Variants in NRG1 observed in about 807,000 individuals in gnomAD.
NRG1 encodes pro-neuregulin-1, membrane-bound isoform.
In NRG1, 18 loss-of-function variants were observed where a neutral mutation model predicts 63.8. The ratio of observed to expected loss-of-function variants is 0.28; its 90% CI spans 0.19 to 0.42. NRG1 has a LOEUF of 0.42. NRG1 is among the 10% of genes least tolerant of loss of function. NRG1 has a pLI of 1.00. For missense variants in NRG1, 762 were observed against 814.7 expected (o/e 0.94, Z 0.79); for synonymous variants, 302 against 301.3 (o/e 1.00, Z -0.02).
At chr8:32,716,802 ATG>A (rs934111765) in intron 5 of NRG1, among the ~76,000 whole-genome samples, 5 of 124,520 alleles carry the variant, frequency 4.0e-5, no homozygotes, top group Non-Finnish European at 8.6e-5. Context: ...GCGTGTGTGC[ATG>A]TGTGTGTGTG....
At chr8:32,260,505 C>T (rs1215805428) in intron 1 of NRG1, among the ~76,000 whole-genome samples, 1 of 152,176 alleles carries the variant, frequency 6.6e-6, no homozygotes, top group Non-Finnish European at 1.5e-5. Context: ...CTCCCTTCAT[C>T]CTTTCCCTAT....
At chr8:31,872,188 T>A (rs1032523391) in intron 1 of NRG1, among the ~76,000 whole-genome samples, 7 of 152,234 alleles carry the variant, frequency 4.6e-5, no homozygotes, top group Non-Finnish European at 1.0e-4. Context: ...TTTAATTACA[T>A]GTCTGTTGTT....
chr8:32,397,882 A>T (rs546209684), intron 1 of NRG1, among the ~76,000 whole-genome samples: 7 of 152,320 alleles, frequency 4.6e-5, no homozygotes, highest in Middle Eastern at 3.4e-3. Context: ...TTAAAGTATC[A>T]TCCATCTGAT....
chr8:31,720,871 C>T (rs1199875201), intron 1 of NRG1, among the ~76,000 whole-genome samples: 1 of 152,238 alleles, frequency 6.6e-6, no homozygotes, highest in East Asian at 1.9e-4. Flanking sequence ...CAATATTTTG[C>T]ACAGGAGTAA....
chr8:31,800,564 C>A (rs1821665848), intron 1 of NRG1, among the ~76,000 whole-genome samples: 1 of 152,136 alleles, frequency 6.6e-6, no homozygotes, highest in Non-Finnish European at 1.5e-5. Flanking sequence ...TCTTGGAATG[C>A]ATATCTCTTC....
At chr8:32,605,590 T>A (rs752516072) in exon 3 of NRG1, 1 of 1,613,448 alleles carries the variant, frequency 6.2e-7, no homozygotes, top group Non-Finnish European at 8.5e-7. Flanking sequence ...TAACAAAGCA[T>A]CACTGGCTGA....
chr8:32,209,113 T>C (rs776254590), intron 1 of NRG1, among the ~76,000 whole-genome samples: 38 of 152,262 alleles, frequency 2.5e-4, no homozygotes, highest in Non-Finnish European at 4.9e-4. Context: ...TCATCTGAAA[T>C]ATAAGGATAA....
chr8:31,861,676 A>C (rs900849733), intron 1 of NRG1, among the ~76,000 whole-genome samples: 4 of 152,180 alleles, frequency 2.6e-5, no homozygotes, highest in Non-Finnish European at 5.9e-5. Context: ...GAAAAACATA[A>C]AATGAGGACT....
chr8:31,936,581 C>A (rs1336340882), intron 1 of NRG1, among the ~76,000 whole-genome samples: 2 of 152,150 alleles, frequency 1.3e-5, no homozygotes, highest in Non-Finnish European at 2.9e-5. Flanking sequence ...TACATAATTT[C>A]CACCTCAGAA....
intron 1 of NRG1, among the ~76,000 whole-genome samples, chr8:31,919,967 C>A (rs1009939518): frequency 6.6e-6 from 1 of 152,056 alleles, no homozygotes; most frequent in African/African-American, 2.4e-5. Context: ...CTAAATGCAT[C>A]AACCCACAGA....
At chr8:32,646,117 T>A (rs1488589415) in intron 5 of NRG1, among the ~76,000 whole-genome samples, 1 of 152,194 alleles carries the variant, frequency 6.6e-6, no homozygotes, top group Non-Finnish European at 1.5e-5. Flanking sequence ...CATAACTCTG[T>A]TACTTACTGG....
At chr8:31,898,320 TA>T (rs1831769198) in intron 1 of NRG1, among the ~76,000 whole-genome samples, 1 of 152,194 alleles carries the variant, frequency 6.6e-6, no homozygotes. Flanking sequence ...TATATTTTAA[TA>T]ACCACTATGT....
At chr8:32,571,103 G>A (rs1320451999) in intron 1 of NRG1, among the ~76,000 whole-genome samples, 3 of 152,144 alleles carry the variant, frequency 2.0e-5, no homozygotes, top group Non-Finnish European at 4.4e-5. Flanking sequence ...GAAGTTAGGA[G>A]TGAACTTGTT....
At chr8:32,420,202 G>A (rs892965166) in intron 1 of NRG1, among the ~76,000 whole-genome samples, 8 of 152,298 alleles carry the variant, frequency 5.3e-5, no homozygotes, top group South Asian at 2.1e-4. Flanking sequence ...TACAGCTCCC[G>A]GTGGGGTGGC....
At chr8:31,742,348 C>T (rs1365805736) in intron 1 of NRG1, among the ~76,000 whole-genome samples, 3 of 148,716 alleles carry the variant, frequency 2.0e-5, no homozygotes, top group East Asian at 2.0e-4. Flanking sequence ...TATTATTGTT[C>T]TTCAAATTGT....
At chr8:31,838,680 CTTTT>C (rs1403189989) in intron 1 of NRG1, among the ~76,000 whole-genome samples, 2 of 151,998 alleles carry the variant, frequency 1.3e-5, no homozygotes, top group African/African-American at 4.8e-5. Flanking sequence ...CTACATTGTT[CTTTT>C]TTATGTCTTC....
At chr8:31,690,470 G>A (rs930361811) in intron 1 of NRG1, among the ~76,000 whole-genome samples, 31 of 152,276 alleles carry the variant, frequency 2.0e-4, no homozygotes, top group African/African-American at 7.0e-4. Context: ...AGTCCTTAAG[G>A]CAGGAAAATT....
chr8:32,417,989 C>A lies in NRG1; in HGVS notation c.38-177839C>A, dbSNP rs557073759. On this transcript the variant is annotated intron_variant, in intron 1 of 10. Coordinates refer to the NRG1 transcript ENST00000519301. Reference sequence around the variant, plus strand: ...CTTGAAAAATGAAAATAATAGCTTCCAGATAAATCCTTATGATAGTTTTGC... The same window carrying A: ...CTTGAAAAATGAAAATAATAGCTTCAAGATAAATCCTTATGATAGTTTTGC... Among the ~76,000 whole-genome samples, 169 of 151,984 alleles carry A rather than the reference C, an allele frequency of 1.1e-3. 1 individual carries two copies. Among genetic ancestry groups the A allele is most frequent in the Non-Finnish European group, 2.0e-3 (133 of 67,960 alleles).
chr8:32,593,896 T>A (rs2129536877), intron 1 of NRG1, among the ~76,000 whole-genome samples: 2 of 145,448 alleles, frequency 1.4e-5, no homozygotes. Flanking sequence ...AATATTCAGG[T>A]ATCAAGGGCT....
Sources: allele counts gnomAD v4.1 joint callset (sites outside exome capture counted in the v4.1 genomes callset), GRCh38; gene constraint gnomAD v4.1.1; transcripts MANE v1.5; gene names NCBI Gene and HGNC (gene_info 2026-07-23, HGNC 2026-07-21).